The following SNRPN variants were observed in gnomAD, a reference collection of about 807,000 sequenced individuals.
The protein encoded by SNRPN is small nuclear ribonucleoprotein polypeptide N, also known as small nuclear ribonucleoprotein-associated protein N.
In SNRPN, 7 loss-of-function variants were observed where a neutral mutation model predicts 25.2. The ratio of observed to expected loss-of-function variants is 0.28; its 90% confidence interval spans 0.16 to 0.52. SNRPN has a LOEUF of 0.52. Among genes scored for constraint, SNRPN ranks in the 20% least tolerant of loss-of-function variants. The pLI is 0.96. For synonymous variants in SNRPN, 124 were observed against 110.6 expected, an observed-to-expected ratio of 1.12 and a Z score of -0.76; for missense variants, 196 against 322.5, an observed-to-expected ratio of 0.61 and a Z score of 3.00.
intron 1 of SNRPN, among the ~76,000 whole-genome samples, chr15:24,868,121 G>GTATATA (rs71127007): frequency 0.074 from 10,809 of 145,806 alleles, 458 homozygotes; most frequent in South Asian, 0.11. Flanking sequence ...GTGTGTGTGT[G>GTATATA]TATATATATA....
chr15:24,949,486 CA>C (rs35424957), intron 3 of SNRPN, among the ~76,000 whole-genome samples: 76,949 of 151,652 alleles, frequency 0.51, 21,555 homozygotes, highest in African/African-American at 0.75. Context: ...CAGGTCTCTA[CA>C]AAAAAATAAA....
chr15:24,899,310 T>C (rs1178182207), intron 2 of SNRPN, among the ~76,000 whole-genome samples: 2 of 152,240 alleles, frequency 1.3e-5, no homozygotes, highest in African/African-American at 4.8e-5. Context: ...TTAAAAGAAC[T>C]GTATGCCAAT....
intron 3 of SNRPN, among the ~76,000 whole-genome samples, chr15:24,937,357 C>CAA (rs578130797): frequency 6.6e-6 from 1 of 151,332 alleles, no homozygotes; most frequent in African/African-American, 2.4e-5. Flanking sequence ...CAAAACAAAA[C>CAA]AAAAAAAACG....
intron 2 of SNRPN, chr15:24,967,032 G>A (rs1465126880): frequency 6.6e-6 from 1 of 152,168 alleles, no homozygotes; most frequent in Non-Finnish European, 1.5e-5. Context: ...ATTTCAGGTA[G>A]TGACTTGTCA....
upstream of SNRPN, among the ~76,000 whole-genome samples, chr15:24,951,632 C>T (rs149335470): frequency 7.7e-3 from 1,167 of 152,020 alleles, 8 homozygotes; most frequent in African/African-American, 0.026. Context: ...CTCAGCCTCC[C>T]GAGTAGCTGG....
intron 2 of SNRPN, among the ~76,000 whole-genome samples, chr15:24,890,952 C>T (rs977763316): frequency 6.6e-6 from 1 of 151,962 alleles, no homozygotes; most frequent in African/African-American, 2.4e-5. Context: ...GTTCTATCGC[C>T]CAGGCTGCAG....
At chr15:24,889,696 C>T (rs980328920) in intron 2 of SNRPN, among the ~76,000 whole-genome samples, 4 of 152,106 alleles carry the variant, frequency 2.6e-5, no homozygotes, top group African/African-American at 7.2e-5. Context: ...TTCCTCCATA[C>T]TGAATGTGCA....
Position 24,864,339 on chromosome 15 carries a change from C to CT in SNRPN, c.-579+7646dup, listed in dbSNP as rs58622804. 9.0e-3 allele frequency among the ~76,000 whole-genome samples: 1,056 copies of CT among 116,914 alleles called. 9 individuals are homozygous for CT. Among genetic ancestry groups the CT allele is most frequent in the Non-Finnish European group, 0.013 (775 of 57,664 alleles). The allele number at this position is 116,914 out of a possible 152,430, so 76.7% of individuals were successfully genotyped here. A position where few individuals can be genotyped will look rare whatever the true frequency, so the allele number is the denominator to read the frequency against. On this transcript the variant is annotated intron_variant, in intron 1 of 11. Coordinates refer to the SNRPN transcript ENST00000400097. ...CGCCGCTCCCGGCCCCTCTTCTTTT[C>CT]TTTTTTTTTTTTTTTTTTTTTTTGG...
chr15:24,876,489 C>T (rs145322909), intron 1 of SNRPN, among the ~76,000 whole-genome samples: 6 of 151,620 alleles, frequency 4.0e-5, no homozygotes, highest in Middle Eastern at 3.4e-3. Context: ...TGGTGGCGTG[C>T]GCCTGTAATC....
At chr15:24,886,921 C>A (rs2057248655) in intron 2 of SNRPN, among the ~76,000 whole-genome samples, 1 of 152,148 alleles carries the variant, frequency 6.6e-6, no homozygotes, top group Admixed American at 6.5e-5. Context: ...GTGGCCACAT[C>A]CTCTTTACTT....
At chr15:24,868,639 T>A (rs1199659690) in intron 1 of SNRPN, among the ~76,000 whole-genome samples, 3 of 152,212 alleles carry the variant, frequency 2.0e-5, no homozygotes, top group African/African-American at 7.2e-5. Flanking sequence ...CTGTGTCAGA[T>A]CTTCTCCAAC....
At chr15:24,854,297 C>T (rs1247601359), upstream of SNRPN, among the ~76,000 whole-genome samples, 1 of 152,106 alleles carries the variant, frequency 6.6e-6, no homozygotes, top group Non-Finnish European at 1.5e-5. Context: ...CAAACCATAG[C>T]AAGAACATAC....
intron 4 of SNRPN, 91 bp downstream of exon 4, chr15:24,974,547 A>T (rs2076841884): frequency 8.4e-7 from 1 of 1,197,286 alleles, no homozygotes; most frequent in African/African-American, 1.5e-5. Context: ...TGGGTTCTGA[A>T]TGTTAGAAAT....
intron 1 of SNRPN, 36 bp downstream of exon 1, chr15:24,955,098 C>T: frequency 6.2e-7 from 1 of 1,613,468 alleles, no homozygotes; most frequent in African/African-American, 1.3e-5. Context: ...AAGAGACAGC[C>T]TGGGGAGCGG....
At chr15:24,962,899 A>G (rs2075053047) in intron 2 of SNRPN, among the ~76,000 whole-genome samples, 1 of 152,154 alleles carries the variant, frequency 6.6e-6, no homozygotes, top group African/African-American at 2.4e-5. Flanking sequence ...TTTCTTAGCT[A>G]CAATTGTTTT....
chr15:24,939,301 G>GTGATTT (rs200553826), intron 3 of SNRPN, among the ~76,000 whole-genome samples: 3,485 of 152,232 alleles, frequency 0.023, 140 homozygotes, highest in African/African-American at 0.079. Context: ...GTATCTCACT[G>GTGATTT]TGATTTTGAT....
upstream of SNRPN, among the ~76,000 whole-genome samples, chr15:24,854,948 G>A (rs545922971): frequency 6.6e-6 from 1 of 151,810 alleles, no homozygotes; most frequent in Non-Finnish European, 1.5e-5. Flanking sequence ...AGGTTGCAGC[G>A]AGCCGAGATT....
chr15:24,940,983 G>A (rs1489926894), intron 3 of SNRPN, among the ~76,000 whole-genome samples: 1 of 152,002 alleles, frequency 6.6e-6, no homozygotes, highest in Non-Finnish European at 1.5e-5. Flanking sequence ...GTTTTCTTTT[G>A]TTTTTGTTTT....
rs539494569 is a variant in SNRPN at position 24,862,504 on chromosome 15, C to T, written c.-579+5788C>T. Among the ~76,000 whole-genome samples the T allele has an allele frequency of 3.5e-4, 53 of 151,058 alleles. 1 individual carries two copies. Among genetic ancestry groups the T allele is most frequent in the Admixed American group, 5.9e-4 (9 of 15,236 alleles). On this transcript the variant is annotated intron_variant, in intron 1 of 11. Coordinates refer to the SNRPN transcript ENST00000400097. ...TGGAGTGTCTAGGGAAGTAGGCAAG[C>T]ATTTGGGGAAGGAGAGTCACTGATT...
Sources: gnomAD v4.1 joint callset for allele counts (sites outside exome capture counted in the v4.1 genomes callset) on GRCh38, gnomAD v4.1.1 for gene constraint, MANE v1.5 for transcripts, NCBI Gene and HGNC (gene_info 2026-07-23, HGNC 2026-07-21) for gene names.